XYLT1: variants seen among roughly 807,000 people sequenced by gnomAD.
The protein encoded by XYLT1 is beta-D-xylosyltransferase 1.
In XYLT1, 36 loss-of-function variants were observed where a neutral mutation model predicts 91.3. That is an observed-to-expected ratio of 0.39 (90% CI 0.30 to 0.52). The LOEUF (loss-of-function observed/expected upper bound fraction) is 0.52. Among genes scored for constraint, XYLT1 ranks in the 20% least tolerant of loss-of-function variants. The pLI is 0.68. For missense variants in XYLT1, 1,242 were observed against 1,284.5 expected (o/e 0.97, Z 0.51); for synonymous variants, 588 against 532.0 (o/e 1.11, Z -1.45).
chr16:17,311,017 C>T (rs2034538916), intron 2 of XYLT1, among the ~76,000 whole-genome samples: 1 of 152,194 alleles, frequency 6.6e-6, no homozygotes, highest in Non-Finnish European at 1.5e-5. Context: ...CCTTCTGCCT[C>T]CTTTCCAGCT....
intron 2 of XYLT1, among the ~76,000 whole-genome samples, chr16:17,300,514 C>T (rs149556710): frequency 3.8e-3 from 443 of 115,704 alleles, no homozygotes; most frequent in South Asian, 7.2e-3. Flanking sequence ...TGGAGTGCAG[C>T]GGCACGATCT....
At chr16:17,451,036 A>G (rs2036659126) in intron 1 of XYLT1, among the ~76,000 whole-genome samples, 1 of 152,332 alleles carries the variant, frequency 6.6e-6, no homozygotes, top group African/African-American at 2.4e-5. Flanking sequence ...TGGAGTGATA[A>G]TAACTGCAGA....
chr16:17,458,323 G>C (rs1158371290), intron 1 of XYLT1, among the ~76,000 whole-genome samples: 1 of 152,170 alleles, frequency 6.6e-6, no homozygotes, highest in African/African-American at 2.4e-5. Flanking sequence ...CATTCATCAT[G>C]CTAATTTCAT....
At position 17,292,379 on chromosome 16, in the gene XYLT1, CAA is replaced by C. The variant is rs907590071; in HGVS notation, c.403-32883_403-32882del. Among the ~76,000 whole-genome samples, 81 of 151,940 alleles carry C rather than the reference CAA, an allele frequency of 5.3e-4. 1 individual carries two copies. The highest frequency in any genetic ancestry group is 1.9e-3 in the African/African-American group (78 of 41,472). On this transcript the variant is annotated intron_variant, in intron 2 of 11. Coordinates refer to ENST00000261381, the MANE Select transcript of XYLT1 (RefSeq NM_022166.4). ...GTCACAGACGAGATTCCTCACTTCA[CAA>C]AAAAAACTCTCCCATCTCTATTTTT... is the stretch of plus-strand genomic sequence containing the variant.
At chr16:17,225,177 A>ACACT (rs150256998) in intron 3 of XYLT1, among the ~76,000 whole-genome samples, 21,899 of 147,178 alleles carry the variant, frequency 0.15, 1,812 homozygotes, top group African/African-American at 0.21. Flanking sequence ...ACACACACAC[A>ACACT]CTCTCTCTCT....
intron 2 of XYLT1, among the ~76,000 whole-genome samples, chr16:17,331,271 C>T (rs752425550): frequency 1.3e-5 from 2 of 152,246 alleles, no homozygotes; most frequent in Non-Finnish European, 2.9e-5. Context: ...CAGTTGCCTT[C>T]ACCACACCAA....
At chr16:17,130,303 G>A (rs2030421641) in intron 9 of XYLT1, among the ~76,000 whole-genome samples, 1 of 152,208 alleles carries the variant, frequency 6.6e-6, no homozygotes, top group Non-Finnish European at 1.5e-5. Flanking sequence ...TGATTTGGGA[G>A]TTGTTTGTTT....
At chr16:17,393,656 G>A (rs1276496408) in intron 1 of XYLT1, among the ~76,000 whole-genome samples, 1 of 152,108 alleles carries the variant, frequency 6.6e-6, no homozygotes, top group African/African-American at 2.4e-5. Context: ...GCTCACATCT[G>A]TAACCCTAGT....
Position 17,470,497 on chromosome 16 carries a change from G to A in XYLT1, c.300C>T (p.Gly100=). The change falls in exon 1 of 12, where the codon GGC becomes GGT. Residue 100 remains glycine (G), a synonymous_variant. Coordinates refer to ENST00000261381, the MANE Select transcript of XYLT1 (RefSeq NM_022166.4). ...GRGPQARARG[G]GPGEPRGQQP... ...GCTGTCCCCGCGGTTCTCCGGGGCCGCCTCCCCGCGCCCGCGCCTGGGGCC... is the reference window on the plus strand; with the variant it reads ...GCTGTCCCCGCGGTTCTCCGGGGCCACCTCCCCGCGCCCGCGCCTGGGGCC... 1.6e-6 allele frequency: 2 copies of A among 1,230,318 alleles called. No homozygotes were observed. The highest frequency in any genetic ancestry group is 2.0e-6 in the Non-Finnish European group (2 of 987,442). 76.2% of individuals were successfully genotyped at this position (1,230,318 alleles called of 1,614,324 possible).
chr16:17,317,962 G>A (rs2034661723), intron 2 of XYLT1, among the ~76,000 whole-genome samples: 1 of 152,154 alleles, frequency 6.6e-6, no homozygotes, highest in African/African-American at 2.4e-5. Context: ...TCAATGCTGG[G>A]ATCAGTTAAT....
intron 3 of XYLT1, among the ~76,000 whole-genome samples, chr16:17,255,609 G>A (rs1372480966): frequency 6.6e-6 from 1 of 152,184 alleles, no homozygotes; most frequent in African/African-American, 2.4e-5. Flanking sequence ...CACTCTGTGT[G>A]CCAAATCTAA....
chr16:17,313,790 T>G (rs1056090067), intron 2 of XYLT1, among the ~76,000 whole-genome samples: 2 of 152,042 alleles, frequency 1.3e-5, no homozygotes, highest in Non-Finnish European at 2.9e-5. Context: ...GCCTCATCTG[T>G]TAACCTCTCC....
chr16:17,369,901 C>T (rs1174719978), intron 1 of XYLT1, among the ~76,000 whole-genome samples: 2 of 152,210 alleles, frequency 1.3e-5, no homozygotes, highest in Non-Finnish European at 2.9e-5. Flanking sequence ...TCATCACCCA[C>T]GACAACAGAG....
At position 17,106,334 on chromosome 16, in the gene XYLT1, A is replaced by T. The variant is rs79721126; in HGVS notation, c.*2361T>A. The T allele has an allele frequency of 0.038, 5,749 of 152,396 alleles. 280 individuals are homozygous for T. Among genetic ancestry groups the T allele is most frequent in the African/African-American group, 0.11 (4,593 of 41,534 alleles). 9.4% of individuals were successfully genotyped at this position (152,396 alleles called of 1,614,324 possible). On this transcript the variant is annotated 3_prime_UTR_variant, in exon 12 of 12. Transcript: ENST00000261381. ...AAAGTGGCTTCGGCAGCCCCAGGGA[A>T]ACCCTGGCCAGAGGCAGAGGCCGGG...
chr16:17,126,953 C>G (rs2030284960), intron 10 of XYLT1, among the ~76,000 whole-genome samples: 1 of 152,126 alleles, frequency 6.6e-6, no homozygotes, highest in South Asian at 2.1e-4. Context: ...CCAGATAAAG[C>G]AACAAGATAA....
intron 2 of XYLT1, among the ~76,000 whole-genome samples, chr16:17,321,542 G>C (rs963378031): frequency 1.3e-5 from 2 of 151,600 alleles, no homozygotes; most frequent in African/African-American, 2.4e-5. Context: ...ATTTTTAGTA[G>C]AGATGGGGTT....
chr16:17,276,613 C>A (rs148269092), intron 2 of XYLT1, among the ~76,000 whole-genome samples: 1 of 152,316 alleles, frequency 6.6e-6, no homozygotes, highest in Non-Finnish European at 1.5e-5. Context: ...AAACTCTGGT[C>A]ACTCCCTTTG....
intron 1 of XYLT1, among the ~76,000 whole-genome samples, chr16:17,424,592 C>T (rs941307569): frequency 1.3e-5 from 2 of 151,892 alleles, no homozygotes; most frequent in African/African-American, 2.4e-5. Context: ...TGGACACAGC[C>T]GGGTGCGGTG....
chr16:17,302,456 T>C (rs1334201423), intron 2 of XYLT1, among the ~76,000 whole-genome samples: 1 of 152,098 alleles, frequency 6.6e-6, no homozygotes, highest in African/African-American at 2.4e-5. Context: ...GAAATTTCCA[T>C]CTGAACTGAG....
Sources: allele counts gnomAD v4.1 joint callset (sites outside exome capture counted in the v4.1 genomes callset), GRCh38; gene constraint gnomAD v4.1.1; transcripts MANE v1.5; gene names NCBI Gene and HGNC (gene_info 2026-07-23, HGNC 2026-07-21).